PDF: variants seen among roughly 807,000 people sequenced by gnomAD.
PDF encodes peptide deformylase, mitochondrial, also known as peptide deformylase-like protein.
Under a neutral mutation model 20.3 loss-of-function variants are expected in PDF, and 31 were observed. The observed-to-expected ratio is 1.52, with a 90% CI of 1.15 to 2.06. PDF has a LOEUF of 2.06. Ranked by LOEUF, PDF falls within the 30% of genes most tolerant of loss-of-function variation. The pLI is 0.00. For synonymous variants in PDF, 254 were observed against 172.0 expected (o/e 1.48, Z -3.73); for missense variants, 447 against 362.5 (o/e 1.23, Z -1.89).
At position 69,328,995 on chromosome 16, in the gene PDF, G is replaced by A. The variant is rs1034402347; in HGVS notation, c.*27C>T. On this transcript the variant is annotated 3_prime_UTR_variant, in exon 2 of 2. Coordinates refer to ENST00000288022, the MANE Select transcript of PDF (RefSeq NM_022341.2). ...TGAAAGTGTTTGCGTCTTGGTATCCGGAATCCTCAGCCCCAGTAGCAAAGC... is the reference window on the plus strand; with the variant it reads ...TGAAAGTGTTTGCGTCTTGGTATCCAGAATCCTCAGCCCCAGTAGCAAAGC... The A allele has an allele frequency of 9.4e-6, 15 of 1,590,872 alleles. No individual in the cohort carries two copies. Among genetic ancestry groups the A allele is most frequent in the Admixed American group, 5.4e-5 (3 of 55,982 alleles).
In PDF at chr16:69,328,727, G is replaced by T; in HGVS notation, c.*295C>A. 1 of 363,924 alleles carries T rather than the reference G, an allele frequency of 2.7e-6. No homozygotes were observed. Among genetic ancestry groups the T allele is most frequent in the Non-Finnish European group, 5.0e-6 (1 of 201,904 alleles). The allele number at this position is 363,924 out of a possible 1,614,324, so 22.5% of individuals were successfully genotyped here. On this transcript the variant is annotated 3_prime_UTR_variant, in exon 2 of 2. Transcript: ENST00000288022. ...GAGATTATACAGGTCCGAGGAACTC[G>T]TGTCTACTGCAGACGAATGCAATTA...
At position 69,329,979 on chromosome 16, in the gene PDF, G is replaced by C. The variant is rs1040624456; in HGVS notation, c.574+18C>G. The C allele has an allele frequency of 6.6e-7, 1 of 1,511,608 alleles. No individual in the cohort carries two copies. The highest frequency in any genetic ancestry group is 8.8e-7 in the Non-Finnish European group (1 of 1,131,568). The allele number at this position is 1,511,608 out of a possible 1,614,324, so 93.6% of individuals were successfully genotyped here. A position where few individuals can be genotyped will look rare whatever the true frequency, so the allele number is the denominator to read the frequency against. ...ACGCGCGCGCTGCTCCAGCAGCCCC[G>C]GTCCCCGCCGCCCGCACCTGAGATC... On this transcript the variant is annotated intron_variant, in intron 1 of 1. Transcript: ENST00000288022.
At position 69,330,477 on chromosome 16, in the gene PDF, A is replaced by G. The variant is rs2143313464; in HGVS notation, c.94T>C (p.Ser32Pro). Residue 32 changes from serine to proline, a missense_variant, in exon 1 of 2, where the codon TCC becomes CCC. Physicochemically the swap from Ser to Pro is moderately conservative, Grantham distance 74 (BLOSUM62 -1). Coordinates refer to ENST00000288022, the MANE Select transcript of PDF (RefSeq NM_022341.2). Reference protein sequence around the residue: ...AAAVGVRACSSTAAPDGVEGP... With the variant: ...AAAVGVRACSPTAAPDGVEGP... ...TCGACGCCGTCCGGGGCGGCCGTGGAGCTGCAAGCCCGGACACCGACGGCT... is the reference window on the plus strand; with the variant it reads ...TCGACGCCGTCCGGGGCGGCCGTGGGGCTGCAAGCCCGGACACCGACGGCT... 1.4e-6 allele frequency: 2 copies of G among 1,473,204 alleles called. No homozygotes were observed. Among genetic ancestry groups the G allele is most frequent in the Non-Finnish European group, 1.8e-6 (2 of 1,120,684 alleles). 91.3% of individuals were successfully genotyped at this position (1,473,204 alleles called of 1,614,324 possible). A position where few individuals can be genotyped will look rare whatever the true frequency, so the allele number is the denominator to read the frequency against.
chr16:69,329,915 G>A, intron 1 of PDF, 82 bp downstream of exon 1: 1 of 1,410,418 alleles, frequency 7.1e-7, no homozygotes, highest in Non-Finnish European at 9.2e-7. Context: ...CGTATGAACC[G>A]CGACCACTTC....
rs1444297010 is a variant in PDF, at chr16:69,327,659, T to C, written c.*1363A>G. On this transcript the variant is annotated 3_prime_UTR_variant, in exon 2 of 2. Transcript: ENST00000288022. ...GTATAGTTTGATTTTCAGGACTCTGTTCAGCAAGAATACCTACTTTACAAA... is the reference window on the plus strand; with the variant it reads ...GTATAGTTTGATTTTCAGGACTCTGCTCAGCAAGAATACCTACTTTACAAA... 1 of 152,118 alleles carries C rather than the reference T, an allele frequency of 6.6e-6. No homozygotes were observed. Among genetic ancestry groups the C allele is most frequent in the Non-Finnish European group, 1.5e-5 (1 of 68,020 alleles). The allele number at this position is 152,118 out of a possible 1,614,324, so 9.4% of individuals were successfully genotyped here.
rs1265798903 is a variant in PDF at position 69,327,041 on chromosome 16, G to A, written c.*1981C>T. On this transcript the variant is annotated 3_prime_UTR_variant, in exon 2 of 2. Coordinates refer to ENST00000288022, the MANE Select transcript of PDF (RefSeq NM_022341.2). Reference sequence around the variant, plus strand: ...GCTTCTGAACATTGTCCAAATGAAAGGAGGCTCAGCTGAATTCTAATTTTC... The same window carrying A: ...GCTTCTGAACATTGTCCAAATGAAAAGAGGCTCAGCTGAATTCTAATTTTC... The A allele has an allele frequency of 6.6e-6, 1 of 152,036 alleles. No homozygotes were observed. The highest frequency in any genetic ancestry group is 1.9e-4 in the East Asian group (1 of 5,190). 9.4% of individuals were successfully genotyped at this position (152,036 alleles called of 1,614,324 possible). A position where few individuals can be genotyped will look rare whatever the true frequency, so the allele number is the denominator to read the frequency against.
chr16:69,330,302 G>C lies in PDF; in HGVS notation c.269C>G (p.Pro90Arg), dbSNP rs763867526. Residue 90 changes from proline (P) to arginine (R), a missense_variant, in exon 1 of 2, where the codon CCC (proline) becomes CGC (arginine). Pro to Arg is a moderately radical substitution (Grantham distance 103, BLOSUM62 -2). Coordinates refer to ENST00000288022, the MANE Select transcript of PDF (RefSeq NM_022341.2). Reference sequence around the variant, plus strand: ...CCGTTGCGTCAGCCGCTGCAGCTCGGGCCCGCCTAGCTGCGCCCGCTCCAC... The same window carrying C: ...CCGTTGCGTCAGCCGCTGCAGCTCGCGCCCGCCTAGCTGCGCCCGCTCCAC... ...APVERAQLGG[P>R]ELQRLTQRLV... 6.9e-5 allele frequency: 99 copies of C among 1,433,228 alleles called. 3 individuals are homozygous for C. In the South Asian group the frequency reaches 1.3e-3, roughly 19 times the overall value. The allele number at this position is 1,433,228 out of a possible 1,614,324, so 88.8% of individuals were successfully genotyped here.
chr16:69,328,803 G>T lies in PDF; in HGVS notation c.*219C>A. Reference sequence around the variant, plus strand: ...TTAGGAAATGTCCACTCCTTTGGGGGTGATTTTTCTCCTCAAGTTGTAGCC... The same window carrying T: ...TTAGGAAATGTCCACTCCTTTGGGGTTGATTTTTCTCCTCAAGTTGTAGCC... On this transcript the variant is annotated 3_prime_UTR_variant, in exon 2 of 2. Transcript: ENST00000288022. 2 of 576,686 alleles carry T rather than the reference G, an allele frequency of 3.5e-6. No individual in the cohort carries two copies. Among genetic ancestry groups the T allele is most frequent in the Non-Finnish European group, 5.9e-6 (2 of 339,968 alleles). 35.7% of individuals were successfully genotyped at this position (576,686 alleles called of 1,614,324 possible).
Position 69,328,944 on chromosome 16 carries a change from C to G in PDF, c.*78G>C. On this transcript the variant is annotated 3_prime_UTR_variant, in exon 2 of 2. Transcript: ENST00000288022. ...CATATGCGAGCCATCCAAGTTGATG[C>G]CAAGTAAGATTTGCCCAGCTCAAAG... 1 of 1,537,866 alleles carries G rather than the reference C, an allele frequency of 6.5e-7. No individual in the cohort carries two copies. Among genetic ancestry groups the G allele is most frequent in the Non-Finnish European group, 8.7e-7 (1 of 1,150,350 alleles).
chr16:69,329,250 G>C, intron 1 of PDF, 71 bp from the exon 2 acceptor site: 1 of 1,435,002 alleles, frequency 7.0e-7, no homozygotes, highest in East Asian at 2.7e-5. Context: ...CCCTACCCCT[G>C]CCCCCGGTCC....
Position 69,329,166 on chromosome 16 carries a change from A to T in PDF, c.588T>A (p.Asn196Lys), listed in dbSNP as rs1432120693. 22 of 1,603,490 alleles carry T rather than the reference A, an allele frequency of 1.4e-5. No individual in the cohort carries two copies. Among genetic ancestry groups the T allele is most frequent in the Admixed American group, 3.4e-5 (2 of 58,556 alleles). Residue 196 changes from asparagine to lysine, a missense_variant, in exon 2 of 2, where the codon AAT (asparagine) becomes AAA (lysine). By Grantham distance (94) the Asn-to-Lys change is moderately conservative. Coordinates refer to ENST00000288022, the MANE Select transcript of PDF (RefSeq NM_022341.2). ...QAVQISGLDPNGEQVVWQASG... is the reference protein window; with the variant it reads ...QAVQISGLDPKGEQVVWQASG... Reference sequence around the variant, plus strand: ...TCGCCTGCCACACCACCTGTTCTCCATTGGGGTCCAGCCCTGCAAAGGAAG... The same window carrying T: ...TCGCCTGCCACACCACCTGTTCTCCTTTGGGGTCCAGCCCTGCAAAGGAAG...
In PDF at chr16:69,330,238, T is replaced by G. The variant is rs915173183; in HGVS notation, c.333A>C (p.Leu111=). The G allele has an allele frequency of 5.5e-6, 8 of 1,447,494 alleles. No homozygotes were observed. The highest frequency in any genetic ancestry group is 7.2e-6 in the Non-Finnish European group (8 of 1,109,232). The allele number at this position is 1,447,494 out of a possible 1,614,324, so 89.7% of individuals were successfully genotyped here. A position where few individuals can be genotyped will look rare whatever the true frequency, so the allele number is the denominator to read the frequency against. ...QVMRRRRCVG[L]SAPQLGVPRQ... ...GCGGCACCCCCAGCTGCGGCGCGCT[T>G]AGGCCCACGCAGCGCCGCCGCCGCA... Residue 111 remains leucine, a synonymous_variant, in exon 1 of 2, where the codon CTA becomes CTC. Transcript: ENST00000288022.
chr16:69,329,808 T>A (rs993691123), intron 1 of PDF, among the ~76,000 whole-genome samples, 189 bp downstream of exon 1: 5 of 152,244 alleles, frequency 3.3e-5, no homozygotes, highest in African/African-American at 1.2e-4. Context: ...TCCTCGCCCC[T>A]GCGTCCTATC....
chr16:69,330,250 GCGC>G lies in PDF; in HGVS notation c.318_320del (p.Arg107del), dbSNP rs957853007. 2.0e-5 allele frequency: 29 copies of G among 1,436,870 alleles called. No homozygotes were observed. Among genetic ancestry groups the G allele is most frequent in the East Asian group, 3.0e-5 (1 of 33,470 alleles). 89.0% of individuals were successfully genotyped at this position (1,436,870 alleles called of 1,614,324 possible). A position where few individuals can be genotyped will look rare whatever the true frequency, so the allele number is the denominator to read the frequency against. ...GCTGCGGCGCGCTTAGGCCCACGCAGCGCCGCCGCCGCATCACCTGGACCAGCC... is the reference window on the plus strand; with the variant it reads ...GCTGCGGCGCGCTTAGGCCCACGCAGCGCCGCCGCATCACCTGGACCAGCC... On this transcript the variant is annotated inframe_deletion, in exon 1 of 2. Transcript: ENST00000288022.
chr16:69,329,963 C>T (rs2011645699), intron 1 of PDF, 34 bp downstream of exon 1: 1 of 1,500,526 alleles, frequency 6.7e-7, no homozygotes. Context: ...GACGCGCGCG[C>T]TGCTCCAGCA....
rs1045276648 is a variant in PDF, at chr16:69,327,061, A to G, written c.*1961T>C. ...TGAAAGGAGGCTCAGCTGAATTCTA[A>G]TTTTCCTAAAGACCCATGTTTTTAG... On this transcript the variant is annotated 3_prime_UTR_variant, in exon 2 of 2. Transcript: ENST00000288022. The G allele has an allele frequency of 2.6e-5, 4 of 151,166 alleles. No individual in the cohort carries two copies. The highest frequency in any genetic ancestry group is 2.4e-5 in the African/African-American group (1 of 41,092). 9.4% of individuals were successfully genotyped at this position (151,166 alleles called of 1,614,324 possible).
chr16:69,329,288 A>G, intron 1 of PDF, 109 bp from the exon 2 acceptor site: 4 of 1,177,100 alleles, frequency 3.4e-6, no homozygotes, highest in Non-Finnish European at 4.5e-6. Context: ...AAGAGGCAAC[A>G]GCAGATGGCA....
chr16:69,328,223 G>A lies in PDF; in HGVS notation c.*799C>T, dbSNP rs968587686. The A allele has an allele frequency of 6.6e-6, 1 of 151,366 alleles. No individual in the cohort carries two copies. Among genetic ancestry groups the A allele is most frequent in the African/African-American group, 2.4e-5 (1 of 41,308 alleles). 9.4% of individuals were successfully genotyped at this position (151,366 alleles called of 1,614,324 possible). On this transcript the variant is annotated 3_prime_UTR_variant, in exon 2 of 2. Coordinates refer to ENST00000288022, the MANE Select transcript of PDF (RefSeq NM_022341.2). ...GCCCTCCCAAAGTGCTGGGATTACA[G>A]GCGTGAACCACTGCACCTGGCCACT...
rs1021953939 is a variant in PDF at position 69,327,342 on chromosome 16, A to G, written c.*1680T>C. ...ACCAGCACACCCAGCTAATTTTCAT[A>G]TTTTTAGTAGAAACAGTGTTTCGCC... On this transcript the variant is annotated 3_prime_UTR_variant, in exon 2 of 2. Transcript: ENST00000288022. 3 of 151,666 alleles carry G rather than the reference A, an allele frequency of 2.0e-5. No individual in the cohort carries two copies. In the East Asian group the frequency reaches 5.8e-4, roughly 29 times the overall value. The allele number at this position is 151,666 out of a possible 1,614,324, so 9.4% of individuals were successfully genotyped here.
Sources: allele counts gnomAD v4.1 joint callset (sites outside exome capture counted in the v4.1 genomes callset), GRCh38; gene constraint gnomAD v4.1.1; transcripts MANE v1.5; gene names NCBI Gene and HGNC (gene_info 2026-07-23, HGNC 2026-07-21).